Variants in HEPHL1 observed in about 807,000 individuals in gnomAD.
HEPHL1 encodes the protein ferroxidase HEPHL1.
A neutral mutation model predicts 122.0 loss-of-function variants in HEPHL1; 123 were observed. The ratio of observed to expected loss-of-function variants is 1.01; its 90% confidence interval spans 0.87 to 1.17. HEPHL1 has a LOEUF of 1.17. Among genes scored for constraint, HEPHL1 ranks in the 50% most tolerant of loss-of-function variants. The probability of loss-of-function intolerance (pLI) is 0.00; values close to 1 mark genes in which losing one functional copy is unlikely to be tolerated. For missense variants in HEPHL1, 1,452 were observed against 1,430.5 expected, an observed-to-expected ratio of 1.01 and a Z score of -0.24; for synonymous variants, 527 against 508.9, an observed-to-expected ratio of 1.04 and a Z score of -0.48.
chr11:94,076,874 C>A (rs575050414), intron 9 of HEPHL1, among the ~76,000 whole-genome samples: 1 of 152,266 alleles, frequency 6.6e-6, no homozygotes, highest in South Asian at 2.1e-4. Flanking sequence ...CATTTACTAA[C>A]ACCCCTAGTC....
chr11:94,106,254 T>C (rs947858067), intron 17 of HEPHL1, 124 bp downstream of exon 17: 23 of 659,944 alleles, frequency 3.5e-5, no homozygotes, highest in African/African-American at 7.3e-5. Context: ...TGGAACAGAA[T>C]AATGTGATTG....
chr11:94,104,462 C>T, intron 15 of HEPHL1, 66 bp from the exon 16 acceptor site: 1 of 1,082,288 alleles, frequency 9.2e-7, no homozygotes, highest in Non-Finnish European at 1.4e-6. Flanking sequence ...AGAATGGTGG[C>T]AGGTGGAATG....
Position 94,104,606 on chromosome 11 carries a change from G to T in HEPHL1, c.2761G>T (p.Val921Phe). 1 of 1,613,836 alleles carries T rather than the reference G, an allele frequency of 6.2e-7. No homozygotes were observed. Among genetic ancestry groups the T allele is most frequent in the South Asian group, 1.1e-5 (1 of 91,066 alleles). ...VLNEKGRRSD[V>F]DYEFALLFLV... ...GAATGAAAAGGGAAGAAGAAGTGAC[G>T]TTGATTATGAATTTGCTCTCTTGTT... Residue 921 changes from valine (V) to phenylalanine (F), a missense_variant, in exon 16 of 20, where the codon GTT becomes TTT. By Grantham distance (50) the Val-to-Phe change is conservative. Transcript: ENST00000315765.
chr11:94,086,549 A>T (rs1253078042), intron 11 of HEPHL1, among the ~76,000 whole-genome samples: 2 of 152,212 alleles, frequency 1.3e-5, no homozygotes, highest in Non-Finnish European at 2.9e-5. Flanking sequence ...TCTCTGAAGC[A>T]TCTACCAGGC....
Position 94,093,578 on chromosome 11 carries a change from C to T in HEPHL1, c.2372C>T (p.Thr791Met), listed in dbSNP as rs775382995. 16 of 1,613,490 alleles carry T rather than the reference C, an allele frequency of 9.9e-6. No homozygotes were observed. The South Asian group carries it at 1.1e-4, about 11-fold the overall frequency. Residue 791 changes from threonine to methionine, a missense_variant, in exon 13 of 20, where the codon ACG becomes ATG. Transcript: ENST00000315765. ...QYKKVVYREY[T>M]DGEFVEIKAR... ...AAGAAGGTGGTTTACAGGGAATATA[C>T]GGATGGAGAATTTGTGGAGATCAAA...
chr11:94,109,407 G>A (rs937550146), intron 17 of HEPHL1, among the ~76,000 whole-genome samples: 9 of 152,144 alleles, frequency 5.9e-5, no homozygotes, highest in Non-Finnish European at 1.3e-4. Context: ...AGTGGTGAAA[G>A]TGGACATCCT....
chr11:94,102,433 A>C lies in HEPHL1; in HGVS notation c.2576-481A>C, dbSNP rs537217894. 4.6e-5 allele frequency among the ~76,000 whole-genome samples: 7 copies of C among 152,244 alleles called. 2 individuals carry two copies. The highest frequency in any genetic ancestry group is 1.7e-4 in the African/African-American group (7 of 41,548). On this transcript the variant is annotated intron_variant, in intron 14 of 19. Coordinates refer to ENST00000315765, the MANE Select transcript of HEPHL1 (RefSeq NM_001098672.2). ...ACCAGATCTCACCTGCCCACTTGAG[A>C]AGCTTTTAAAAAACACTGGCACCAG...
At chr11:94,076,091 T>C (rs951742252) in intron 9 of HEPHL1, among the ~76,000 whole-genome samples, 6 of 152,214 alleles carry the variant, frequency 3.9e-5, no homozygotes, top group African/African-American at 1.4e-4. Flanking sequence ...TTTTTGGCAT[T>C]GTGTGGCTCC....
intron 8 of HEPHL1, 107 bp downstream of exon 8, chr11:94,073,546 A>G: frequency 9.4e-7 from 1 of 1,063,518 alleles, no homozygotes; most frequent in Non-Finnish European, 1.4e-6. Context: ...CTGCCCTGAG[A>G]GCTTGGGCAA....
At chr11:94,084,806 C>A (rs1418796301) in intron 10 of HEPHL1, among the ~76,000 whole-genome samples, 1 of 152,038 alleles carries the variant, frequency 6.6e-6, no homozygotes, top group Non-Finnish European at 1.5e-5. Flanking sequence ...AATGTGGTGT[C>A]CTTCTCAGAA....
At chr11:94,023,584 GA>G (rs1945599502) in intron 1 of HEPHL1, among the ~76,000 whole-genome samples, 1 of 152,156 alleles carries the variant, frequency 6.6e-6, no homozygotes, top group Admixed American at 6.5e-5. Flanking sequence ...TAGGCATGAT[GA>G]AAACAGTTGG....
intron 9 of HEPHL1, among the ~76,000 whole-genome samples, chr11:94,078,600 G>A (rs1459946135): frequency 1.3e-5 from 2 of 151,740 alleles, no homozygotes; most frequent in Non-Finnish European, 1.5e-5. Flanking sequence ...AGCCAATGGG[G>A]TGGCTCCAGT....
chr11:94,046,091 CTTTTTTTTTTTT>C (rs755367459), intron 2 of HEPHL1, among the ~76,000 whole-genome samples, 174 bp downstream of exon 2: 5 of 65,048 alleles, frequency 7.7e-5, no homozygotes, highest in African/African-American at 3.2e-4. Context: ...CCCTTTCTTG[CTTTTTTTTTTTT>C]TTTTTTTTTG....
chr11:94,073,550 T>G, intron 8 of HEPHL1, 111 bp downstream of exon 8: 2 of 1,027,970 alleles, frequency 1.9e-6, no homozygotes, highest in Non-Finnish European at 2.8e-6. Flanking sequence ...CCTGAGAGCT[T>G]GGGCAATCAC....
At chr11:94,064,588 G>C in intron 4 of HEPHL1, 78 bp downstream of exon 4, 2 of 982,018 alleles carry the variant, frequency 2.0e-6, no homozygotes, top group Admixed American at 2.5e-5. Context: ...AAAATACACA[G>C]AAATGTTGAT....
intron 2 of HEPHL1, 87 bp downstream of exon 2, chr11:94,046,004 T>C: frequency 1.7e-6 from 2 of 1,186,472 alleles, no homozygotes; most frequent in Non-Finnish European, 2.4e-6. Context: ...TAGGAGCACA[T>C]TGATTACATG....
At chr11:94,038,401 T>TC (rs1401093989) in intron 1 of HEPHL1, among the ~76,000 whole-genome samples, 9 of 101,058 alleles carry the variant, frequency 8.9e-5, no homozygotes, top group Non-Finnish European at 1.6e-4. Context: ...GAAGAGCAAC[T>TC]CCAAGACACA....
chr11:94,105,201 T>A (rs1384500356), intron 16 of HEPHL1, among the ~76,000 whole-genome samples: 2 of 152,208 alleles, frequency 1.3e-5, no homozygotes, highest in Admixed American at 6.5e-5. Context: ...GTGGGAGTAA[T>A]GTGTTCACAT....
rs1196501491 is a variant in HEPHL1 at position 94,063,570 on chromosome 11, A to G, written c.478A>G (p.Lys160Glu). 2.5e-6 allele frequency: 4 copies of G among 1,613,712 alleles called. No homozygotes were observed. The highest frequency in any genetic ancestry group is 3.4e-6 in the Non-Finnish European group (4 of 1,179,794). Residue 160 changes from lysine to glutamate, a missense_variant, in exon 3 of 20, where the codon AAA becomes GAA. By Grantham distance (56) the Lys-to-Glu change is moderately conservative (BLOSUM62 1). Transcript: ENST00000315765. ...NKNDDMVPPG[K>E]NYTYVWPVRE... ...AAATGATGACATGGTTCCTCCTGGG[A>G]AAAACTACACCTACGTCTGGCCGGT...
Sources: gnomAD v4.1 joint callset for allele counts (sites outside exome capture counted in the v4.1 genomes callset) on GRCh38, gnomAD v4.1.1 for gene constraint, MANE v1.5 for transcripts, NCBI Gene and HGNC (gene_info 2026-07-23, HGNC 2026-07-21) for gene names.